URI1: variants seen among roughly 807,000 people sequenced by gnomAD.
URI1 encodes the protein URI1 prefoldin like chaperone, also known as unconventional prefoldin RPB5 interactor 1.
Under a neutral mutation model 60.2 loss-of-function variants are expected in URI1, and 39 were observed. The ratio of observed to expected loss-of-function variants is 0.65; its 90% CI spans 0.50 to 0.85. The LOEUF is 0.85. Among genes scored for constraint, URI1 ranks in the 40% least tolerant of loss-of-function variants. The probability of loss-of-function intolerance (pLI) is 0.00; values close to 1 mark genes in which losing one functional copy is unlikely to be tolerated. For synonymous variants in URI1, 251 were observed against 236.8 expected, an observed-to-expected ratio of 1.06 and a Z score of -0.55; for missense variants, 691 against 665.9, an observed-to-expected ratio of 1.04 and a Z score of -0.42.
At chr19:29,944,358 AGAGGATGGTGTTTC>A (rs2055078037) in intron 1 of URI1, among the ~76,000 whole-genome samples, 1 of 151,120 alleles carries the variant, frequency 6.6e-6, no homozygotes, top group African/African-American at 2.4e-5. Context: ...ACAGACCCTC[AGAGGATGGTGTTTC>A]TATTGCCTTT....
At chr19:29,997,273 T>C (rs1231517074) in intron 4 of URI1, among the ~76,000 whole-genome samples, 1 of 152,196 alleles carries the variant, frequency 6.6e-6, no homozygotes, top group Non-Finnish European at 1.5e-5. Context: ...ATTTCAGTTT[T>C]GGTAGTTTGT....
intron 7 of URI1, among the ~76,000 whole-genome samples, chr19:30,008,158 T>A (rs1449328231): frequency 1.3e-5 from 2 of 152,148 alleles, no homozygotes; most frequent in African/African-American, 4.8e-5. Flanking sequence ...TGAGAAACTT[T>A]ACGAAATTGC....
intron 1 of URI1, among the ~76,000 whole-genome samples, chr19:29,967,715 T>C (rs2055407326): frequency 1.3e-5 from 2 of 152,180 alleles, no homozygotes; most frequent in Admixed American, 1.3e-4. Context: ...CGCATGATGG[T>C]TGGAAGCAGG....
intron 2 of URI1, among the ~76,000 whole-genome samples, chr19:29,973,456 TTA>T (rs1432784630): frequency 6.6e-6 from 1 of 152,138 alleles, no homozygotes; most frequent in Non-Finnish European, 1.5e-5. Context: ...CCCCTATTCT[TTA>T]TGAGTACGCA....
intron 1 of URI1, among the ~76,000 whole-genome samples, chr19:29,950,135 A>G (rs189791206): frequency 9.4e-4 from 143 of 152,322 alleles, no homozygotes; most frequent in Non-Finnish European, 1.4e-3. Context: ...AGAAGAGACA[A>G]CTTTGGTTTT....
At chr19:30,003,532 C>T (rs1047603230) in intron 4 of URI1, among the ~76,000 whole-genome samples, 4 of 151,930 alleles carry the variant, frequency 2.6e-5, no homozygotes, top group African/African-American at 9.7e-5. Flanking sequence ...ACTGTGCAAT[C>T]GTATTTCAGT....
At chr19:29,956,963 GTC>G (rs2055256630) in intron 1 of URI1, 2 of 913,478 alleles carry the variant, frequency 2.2e-6, no homozygotes, top group Admixed American at 1.8e-5. Context: ...AATGTCAACA[GTC>G]TGATTGCTGA....
intron 4 of URI1, among the ~76,000 whole-genome samples, chr19:29,989,855 T>G (rs1161867308): frequency 1.3e-5 from 2 of 152,116 alleles, no homozygotes; most frequent in Non-Finnish European, 2.9e-5. Context: ...GTCTTTTCAT[T>G]CTCTTAACAG....
At chr19:30,009,830 A>G (rs987093954) in intron 8 of URI1, among the ~76,000 whole-genome samples, 14 of 152,232 alleles carry the variant, frequency 9.2e-5, no homozygotes, top group African/African-American at 3.1e-4. Context: ...GACAAAGTAA[A>G]TATAAACATC....
intron 1 of URI1, among the ~76,000 whole-genome samples, chr19:29,961,777 C>T (rs1025378725): frequency 1.3e-5 from 2 of 151,156 alleles, no homozygotes; most frequent in African/African-American, 4.9e-5. Flanking sequence ...CCTCTATCTC[C>T]TGGGTTCAAG....
At chr19:30,005,306 C>A in intron 4 of URI1, 55 bp from the exon 5 acceptor site, 2 of 1,002,738 alleles carry the variant, frequency 2.0e-6, no homozygotes, top group Non-Finnish European at 3.0e-6. Flanking sequence ...TTAAAATATT[C>A]CTACAGGTCG....
intron 1 of URI1, among the ~76,000 whole-genome samples, chr19:29,923,914 G>C (rs1039890858): frequency 2.6e-5 from 4 of 152,180 alleles, no homozygotes; most frequent in African/African-American, 9.7e-5. Flanking sequence ...TTATAATGGA[G>C]ATTGGCCTGA....
intron 2 of URI1, among the ~76,000 whole-genome samples, chr19:29,977,769 A>C (rs1258748803): frequency 2.0e-5 from 3 of 151,756 alleles, no homozygotes; most frequent in Admixed American, 6.6e-5. Flanking sequence ...TGATTAAGTG[A>C]GTTTGGAACT....
At chr19:29,938,445 CA>C (rs1332226997), upstream of URI1, among the ~76,000 whole-genome samples, 1 of 152,124 alleles carries the variant, frequency 6.6e-6, no homozygotes, top group African/African-American at 2.4e-5. Flanking sequence ...CCCCAAGACC[CA>C]AACACCTCCC....
intron 8 of URI1, among the ~76,000 whole-genome samples, chr19:30,010,393 G>C (rs1008698951): frequency 1.3e-5 from 2 of 152,070 alleles, no homozygotes; most frequent in Non-Finnish European, 2.9e-5. Flanking sequence ...CTGATTCTTC[G>C]GGAAAAGTTG....
intron 4 of URI1, among the ~76,000 whole-genome samples, chr19:29,994,687 A>G (rs1187625562): frequency 6.6e-6 from 1 of 152,062 alleles, no homozygotes; most frequent in Admixed American, 6.5e-5. Context: ...TGCTATGAAT[A>G]TAGGTATACA....
chr19:29,979,072 T>C (rs1387767413), intron 2 of URI1, among the ~76,000 whole-genome samples: 1 of 152,148 alleles, frequency 6.6e-6, no homozygotes. Context: ...ACCCACAAAA[T>C]TACTTTTTTC....
At chr19:30,010,771 C>G (rs1568447762) in intron 8 of URI1, among the ~76,000 whole-genome samples, 2 of 152,056 alleles carry the variant, frequency 1.3e-5, no homozygotes, top group Non-Finnish European at 2.9e-5. Context: ...TAATTCAAGC[C>G]AAACACTTAT....
At chr19:29,999,263 A>G (rs1295495993) in intron 4 of URI1, among the ~76,000 whole-genome samples, 2 of 152,132 alleles carry the variant, frequency 1.3e-5, no homozygotes, top group African/African-American at 4.8e-5. Context: ...GTTTACCTTT[A>G]TCAGAGATCT....
Sources: gnomAD v4.1 joint callset for allele counts (sites outside exome capture counted in the v4.1 genomes callset) on GRCh38, gnomAD v4.1.1 for gene constraint, MANE v1.5 for transcripts, NCBI Gene and HGNC (gene_info 2026-07-23, HGNC 2026-07-21) for gene names.